Variants in PRKG1 observed in about 807,000 individuals in gnomAD.
The protein encoded by PRKG1 is protein kinase cGMP-dependent 1, also known as cGMP-dependent protein kinase 1.
A neutral mutation model predicts 88.1 loss-of-function variants in PRKG1; 35 were observed. The ratio of observed to expected loss-of-function variants is 0.40; its 90% confidence interval spans 0.30 to 0.53. The LOEUF (loss-of-function observed/expected upper bound fraction) is 0.53, where lower values mean the gene tolerates loss of function less well. PRKG1 is among the 20% of genes least tolerant of loss of function. The pLI, the probability that PRKG1 is intolerant of heterozygous loss-of-function variation, is 0.59. For missense variants in PRKG1, 540 were observed against 839.8 expected, an observed-to-expected ratio of 0.64 and a Z score of 4.41; for synonymous variants, 303 against 292.5, an observed-to-expected ratio of 1.04 and a Z score of -0.37.
chr10:51,945,692 T>C (rs2133040462), intron 5 of PRKG1, among the ~76,000 whole-genome samples: 1 of 150,220 alleles, frequency 6.7e-6, no homozygotes, highest in East Asian at 2.0e-4. Flanking sequence ...CTGTAAAGGA[T>C]TTTATTTCTC....
At chr10:51,607,581 A>G (rs911119917) in intron 3 of PRKG1, among the ~76,000 whole-genome samples, 7 of 152,178 alleles carry the variant, frequency 4.6e-5, no homozygotes, top group Admixed American at 4.6e-4. Flanking sequence ...TTCTCCCTCT[A>G]TATCTCCTAT....
At chr10:51,393,415 G>C (rs1480867971) in intron 2 of PRKG1, among the ~76,000 whole-genome samples, 1 of 149,476 alleles carries the variant, frequency 6.7e-6, no homozygotes, top group Non-Finnish European at 1.5e-5. Context: ...ACTCCCAGAC[G>C]ATGGGCGGCC....
At chr10:51,167,170 A>T (rs1846568975) in intron 2 of PRKG1, among the ~76,000 whole-genome samples, 1 of 152,186 alleles carries the variant, frequency 6.6e-6, no homozygotes, top group Non-Finnish European at 1.5e-5. Flanking sequence ...CTATGAAAAA[A>T]TAAATACAAC....
Position 51,862,613 on chromosome 10 carries a change from G to A in PRKG1, c.699-44894G>A, listed in dbSNP as rs145365765. Among the ~76,000 whole-genome samples the A allele has an allele frequency of 5.6e-3, 845 of 152,094 alleles. 7 individuals are homozygous for A. Among genetic ancestry groups the A allele is most frequent in the Non-Finnish European group, 7.9e-3 (536 of 67,974 alleles). On this transcript the variant is annotated intron_variant, in intron 4 of 17. Coordinates refer to ENST00000373980, the MANE Select transcript of PRKG1 (RefSeq NM_006258.4). ...TGATGATTGGTCCATGGATGGGCCTGGAAAAAAGCACCATTCAATTGGCTA... is the reference window on the plus strand; with the variant it reads ...TGATGATTGGTCCATGGATGGGCCTAGAAAAAAGCACCATTCAATTGGCTA...
At chr10:51,991,728 G>C (rs994449581) in intron 5 of PRKG1, among the ~76,000 whole-genome samples, 3 of 152,170 alleles carry the variant, frequency 2.0e-5, no homozygotes, top group Non-Finnish European at 4.4e-5. Flanking sequence ...TTTTATGGCT[G>C]CATAGTATTC....
chr10:51,090,394 T>C (rs1844371401), intron 1 of PRKG1, among the ~76,000 whole-genome samples: 1 of 151,934 alleles, frequency 6.6e-6, no homozygotes, highest in Non-Finnish European at 1.5e-5. Context: ...GAAGATTGAG[T>C]GACAGAAAGG....
chr10:51,816,692 A>T (rs1390060592), intron 4 of PRKG1, among the ~76,000 whole-genome samples: 1 of 152,076 alleles, frequency 6.6e-6, no homozygotes, highest in East Asian at 1.9e-4. Flanking sequence ...GTGTGTGTAT[A>T]ATAAGTGATA....
intron 2 of PRKG1, among the ~76,000 whole-genome samples, chr10:51,162,454 G>T (rs79486819): frequency 6.6e-6 from 1 of 152,080 alleles, no homozygotes; most frequent in Non-Finnish European, 1.5e-5. Context: ...TTGTGCTAAG[G>T]CTCCAAAAGT....
chr10:51,062,048 A>G (rs1843697943), intron 1 of PRKG1, among the ~76,000 whole-genome samples: 1 of 152,196 alleles, frequency 6.6e-6, no homozygotes, highest in Non-Finnish European at 1.5e-5. Context: ...AAAATTGTAG[A>G]GAGAGTATGA....
intron 7 of PRKG1, among the ~76,000 whole-genome samples, chr10:52,121,517 TAA>T (rs1260840520): frequency 6.6e-6 from 1 of 152,218 alleles, no homozygotes; most frequent in African/African-American, 2.4e-5. Context: ...TGTAAGCAGC[TAA>T]AAGAGGCCAT....
intron 5 of PRKG1, among the ~76,000 whole-genome samples, chr10:51,979,816 A>C (rs1424207875): frequency 6.6e-6 from 1 of 151,792 alleles, no homozygotes; most frequent in East Asian, 1.9e-4. Flanking sequence ...TATTTTGATA[A>C]TATTCAGGTC....
chr10:51,584,482 T>C (rs576298739), intron 3 of PRKG1, among the ~76,000 whole-genome samples: 169 of 152,064 alleles, frequency 1.1e-3, no homozygotes, highest in Non-Finnish European at 2.1e-3. Flanking sequence ...CTCAGGGTAG[T>C]TGATACCAAA....
chr10:51,335,081 G>A (rs1841841985), intron 2 of PRKG1, among the ~76,000 whole-genome samples: 1 of 132,280 alleles, frequency 7.6e-6, no homozygotes, highest in South Asian at 2.4e-4. Flanking sequence ...GCCCTATCTC[G>A]GCTCACTGCA....
chr10:51,557,128 T>C (rs1837333670), intron 3 of PRKG1, among the ~76,000 whole-genome samples: 1 of 152,176 alleles, frequency 6.6e-6, no homozygotes, highest in African/African-American at 2.4e-5. Flanking sequence ...CTTCTTTTTC[T>C]TCTCTTATCC....
intron 2 of PRKG1, among the ~76,000 whole-genome samples, chr10:51,342,589 T>G (rs1380854656): frequency 6.6e-6 from 1 of 152,198 alleles, no homozygotes; most frequent in Non-Finnish European, 1.5e-5. Flanking sequence ...TTTGATTTAA[T>G]TTTTAGCTCC....
chr10:51,807,705 G>A (rs1181569836), intron 4 of PRKG1, among the ~76,000 whole-genome samples: 1 of 152,140 alleles, frequency 6.6e-6, no homozygotes, highest in Non-Finnish European at 1.5e-5. Context: ...TATGAGGTAG[G>A]ACTCCTTTGG....
intron 7 of PRKG1, among the ~76,000 whole-genome samples, chr10:52,112,963 A>T (rs1315524323): frequency 6.6e-6 from 1 of 152,162 alleles, no homozygotes; most frequent in African/African-American, 2.4e-5. Flanking sequence ...CTCGAGTAAG[A>T]TTACCTGAAT....
At chr10:51,658,947 A>G (rs1373093930) in intron 3 of PRKG1, among the ~76,000 whole-genome samples, 3 of 152,056 alleles carry the variant, frequency 2.0e-5, no homozygotes, top group Non-Finnish European at 2.9e-5. Flanking sequence ...TTCTACTCCC[A>G]TATTACTAGA....
intron 3 of PRKG1, among the ~76,000 whole-genome samples, chr10:51,798,019 T>C (rs753652740): frequency 6.6e-6 from 1 of 152,108 alleles, no homozygotes; most frequent in African/African-American, 2.4e-5. Context: ...ATTGTATGTA[T>C]ACACCACATT....
Sources: gnomAD v4.1 joint callset for allele counts (sites outside exome capture counted in the v4.1 genomes callset) on GRCh38, gnomAD v4.1.1 for gene constraint, MANE v1.5 for transcripts, NCBI Gene and HGNC (gene_info 2026-07-23, HGNC 2026-07-21) for gene names.